Variants in POFUT2 observed in about 807,000 individuals in gnomAD.
POFUT2 encodes the protein protein O-fucosyltransferase 2, also known as GDP-fucose protein O-fucosyltransferase 2.
A neutral mutation model predicts 55.0 loss-of-function variants in POFUT2; 30 were observed. That is an observed-to-expected ratio of 0.55 (90% CI 0.41 to 0.74). POFUT2 has a LOEUF of 0.74. POFUT2 is among the 30% of genes least tolerant of loss of function. The pLI, the probability that POFUT2 is intolerant of heterozygous loss-of-function variation, is 0.00. For synonymous variants in POFUT2, 267 were observed against 231.1 expected, an observed-to-expected ratio of 1.16 and a Z score of -1.41; for missense variants, 524 against 562.6, an observed-to-expected ratio of 0.93 and a Z score of 0.69.
At chr21:45,278,222 A>G in intron 4 of POFUT2, 53 bp from the exon 5 acceptor site, 2 of 1,448,422 alleles carry the variant, frequency 1.4e-6, no homozygotes, top group Non-Finnish European at 1.9e-6. Context: ...GGATGATGAC[A>G]TTCACACTCT....
chr21:45,281,820 A>T lies in POFUT2; in HGVS notation c.638+529T>A, dbSNP rs2030677487. ...TCAACAATTCCCTCCAGAGTTTACG[A>T]CATCATCAGGTACTGACTTGTCTGC... On this transcript the variant is annotated intron_variant, in intron 4 of 8. Transcript: ENST00000349485. The surrounding 1 kb of genome is among the most constrained non-coding windows in gnomAD (Gnocchi z 5.0). Among the ~76,000 whole-genome samples, 1 of 151,994 alleles carries T rather than the reference A, an allele frequency of 6.6e-6. No homozygotes were observed. The highest frequency in any genetic ancestry group is 2.4e-5 in the African/African-American group (1 of 41,382).
intron 7 of POFUT2, among the ~76,000 whole-genome samples, chr21:45,269,452 C>T (rs997056233): frequency 1.3e-5 from 2 of 152,152 alleles, no homozygotes; most frequent in East Asian, 3.9e-4. Context: ...AAGAAAAATT[C>T]TTCTGCCTTG....
Position 45,267,092 on chromosome 21 carries a change from G to T in POFUT2, c.1136+498C>A. ...CCCGGCCTCGGGGACGCTCACGGCA[G>T]CCCCACAAGAACGATCACACGAGGG... is the stretch of plus-strand genomic sequence containing the variant. On this transcript the variant is annotated intron_variant, in intron 8 of 8. Coordinates refer to ENST00000349485, the MANE Select transcript of POFUT2 (RefSeq NM_133635.6). The surrounding 1 kb of genome is among the most constrained non-coding windows in gnomAD (Gnocchi z 4.4). 1 of 1,134,942 alleles carries T rather than the reference G, an allele frequency of 8.8e-7. No homozygotes were observed. Among genetic ancestry groups the T allele is most frequent in the East Asian group, 6.5e-5 (1 of 15,340 alleles). 70.3% of individuals were successfully genotyped at this position (1,134,942 alleles called of 1,614,324 possible).
Position 45,285,142 on chromosome 21 carries a change from T to G in POFUT2, c.382+536A>C. 1 of 161,500 alleles carries G rather than the reference T, an allele frequency of 6.2e-6. No homozygotes were observed. Among genetic ancestry groups the G allele is most frequent in the South Asian group, 1.7e-4 (1 of 5,980 alleles). 10.0% of individuals were successfully genotyped at this position (161,500 alleles called of 1,614,324 possible). On this transcript the variant is annotated intron_variant, in intron 2 of 8. Coordinates refer to ENST00000349485, the MANE Select transcript of POFUT2 (RefSeq NM_133635.6). The surrounding 1 kb of genome is among the most constrained non-coding windows in gnomAD (Gnocchi z 4.9). Reference sequence around the variant, plus strand: ...CTCAAGTGCAGCAGCAAAGCATCACTTACCTTTATCTCTTCCAAACAACGC... The same window carrying G: ...CTCAAGTGCAGCAGCAAAGCATCACGTACCTTTATCTCTTCCAAACAACGC...
chr21:45,265,858 C>T lies in POFUT2; in HGVS notation c.1137-223G>A. 7.3e-7 allele frequency: 1 copy of T among 1,376,302 alleles called. No homozygotes were observed. Among genetic ancestry groups the T allele is most frequent in the Admixed American group, 3.1e-5 (1 of 32,532 alleles). The allele number at this position is 1,376,302 out of a possible 1,614,324, so 85.3% of individuals were successfully genotyped here. A position where few individuals can be genotyped will look rare whatever the true frequency, so the allele number is the denominator to read the frequency against. ...CCCTGAGGGGCTCTGCCTGGTGCTG[C>T]AGCCCCATCCACACCCCACAGTCAG... On this transcript the variant is annotated intron_variant, in intron 8 of 8. Transcript: ENST00000349485. This position sits in a 1 kb window ranked among gnomAD's most constrained non-coding sequence, Gnocchi z 4.6.
At chr21:45,269,198 G>A (rs1280163090) in intron 7 of POFUT2, among the ~76,000 whole-genome samples, 1,327 of 149,482 alleles carry the variant, frequency 8.9e-3, no homozygotes, top group African/African-American at 0.031. Context: ...CAGCCGCCCC[G>A]TCCGGGAGGT....
chr21:45,287,658 C>CG, intron 1 of POFUT2, 83 bp downstream of exon 1: 5 of 1,092,606 alleles, frequency 4.6e-6, no homozygotes, highest in Non-Finnish European at 5.9e-6. Context: ...TCCCTGGCCC[C>CG]TGACCCCGCC....
Position 45,285,463 on chromosome 21 carries a change from G to T in POFUT2, c.382+215C>A. The T allele has an allele frequency of 1.6e-6, 1 of 634,096 alleles. No individual in the cohort carries two copies. The highest frequency in any genetic ancestry group is 1.6e-5 in the South Asian group (1 of 63,528). The allele number at this position is 634,096 out of a possible 1,614,324, so 39.3% of individuals were successfully genotyped here. ...GCTCATCCACTTCAGGTCCATTTCC[G>T]AGAAACATTTTGGGAAGCTCACTGC... is the stretch of plus-strand genomic sequence containing the variant. On this transcript the variant is annotated intron_variant, in intron 2 of 8. Coordinates refer to ENST00000349485, the MANE Select transcript of POFUT2 (RefSeq NM_133635.6). This position sits in a 1 kb window ranked among gnomAD's most constrained non-coding sequence, Gnocchi z 4.9.
In POFUT2 at chr21:45,284,537, G is replaced by A. The variant is rs963913781; in HGVS notation, c.383-1010C>T. ...CCCCAGGCTGGTGGATGGCAGGTAA[G>A]CGTGAGACCAGCATATGTGCCTCAG... On this transcript the variant is annotated intron_variant, in intron 2 of 8. Coordinates refer to ENST00000349485, the MANE Select transcript of POFUT2 (RefSeq NM_133635.6). The surrounding 1 kb of genome is among the most constrained non-coding windows in gnomAD (Gnocchi z 5.8). 6.6e-6 allele frequency among the ~76,000 whole-genome samples: 1 copy of A among 152,192 alleles called. No individual in the cohort carries two copies. Among genetic ancestry groups the A allele is most frequent in the Non-Finnish European group, 1.5e-5 (1 of 68,038 alleles).
rs1024972247 is a variant in POFUT2 at position 45,277,988 on chromosome 21, T to C, written c.705+115A>G. On this transcript the variant is annotated intron_variant, in intron 5 of 8. Coordinates refer to ENST00000349485, the MANE Select transcript of POFUT2 (RefSeq NM_133635.6). This position sits in a 1 kb window ranked among gnomAD's most constrained non-coding sequence, Gnocchi z 6.9. ...AGTTGCCCAAATCCATGGCTTAAAA[T>C]GATGGTTTTAATCAGCAAGGTTCAA... 1.1e-6 allele frequency: 1 copy of C among 910,828 alleles called. No individual in the cohort carries two copies. The highest frequency in any genetic ancestry group is 2.4e-5 in the East Asian group (1 of 41,540). The allele number at this position is 910,828 out of a possible 1,614,324, so 56.4% of individuals were successfully genotyped here. A position where few individuals can be genotyped will look rare whatever the true frequency, so the allele number is the denominator to read the frequency against.
intron 6 of POFUT2, among the ~76,000 whole-genome samples, chr21:45,273,724 T>A (rs576074072): frequency 1.3e-5 from 2 of 152,346 alleles, no homozygotes; most frequent in Non-Finnish European, 2.9e-5. Context: ...CATATGATCA[T>A]TTCAATAGAT....
At position 45,269,985 on chromosome 21, in the gene POFUT2, A is replaced by G; in HGVS notation, c.866T>C (p.Leu289Pro). 2 of 1,574,938 alleles carry G rather than the reference A, an allele frequency of 1.3e-6. No individual in the cohort carries two copies. Among genetic ancestry groups the G allele is most frequent in the Non-Finnish European group, 1.7e-6 (2 of 1,166,272 alleles). Residue 289 changes from leucine to proline, a missense_variant, in exon 7 of 9, where the codon CTG becomes CCG. By Grantham distance (98) the Leu-to-Pro change is moderately conservative. Coordinates refer to ENST00000349485, the MANE Select transcript of POFUT2 (RefSeq NM_133635.6). ...KLGSALGGPY[L>P]GVHLRRKDFI... ...ATCTTTTCTTCTCAGGTGGACTCCCAGGTAGGGGCCCCCTAGCGCGGAGCC... is the reference window on the plus strand; with the variant it reads ...ATCTTTTCTTCTCAGGTGGACTCCCGGGTAGGGGCCCCCTAGCGCGGAGCC...
At chr21:45,283,920 CT>C (rs2146678730) in intron 2 of POFUT2, among the ~76,000 whole-genome samples, 1 of 152,334 alleles carries the variant, frequency 6.6e-6, no homozygotes, top group South Asian at 2.1e-4. Context: ...CCCTACCCCC[CT>C]GGTTTCCCAC....
rs911723378 is a variant in POFUT2 at position 45,269,845 on chromosome 21, T to C, written c.1006A>G (p.Arg336Gly). The change falls in exon 7 of 9, where the codon AGA becomes GGA. Residue 336 changes from arginine (R) to glycine (G), a missense_variant. By Grantham distance (125) the Arg-to-Gly change is moderately radical (BLOSUM62 -2). This residue lies in a region of POFUT2 where 250 missense variants were observed against 318.2 expected (regional missense o/e 0.79). Coordinates refer to ENST00000349485, the MANE Select transcript of POFUT2 (RefSeq NM_133635.6). Reference sequence around the variant, plus strand: ...AAGCATTGAAGCTCCATACCCTTTCTGACGGCATCTGTGGCCACAAACACC... The same window carrying C: ...AAGCATTGAAGCTCCATACCCTTTCCGACGGCATCTGTGGCCACAAACACC... ...DKVFVATDAV[R>G]KEYEELKKLL... 6.2e-7 allele frequency: 1 copy of C among 1,602,258 alleles called. No individual in the cohort carries two copies. Among genetic ancestry groups the C allele is most frequent in the Admixed American group, 1.8e-5 (1 of 56,116 alleles).
At chr21:45,266,754 C>T (rs1232940202) in intron 8 of POFUT2, 10 of 996,730 alleles carry the variant, frequency 1.0e-5, no homozygotes, top group Admixed American at 5.4e-5. Context: ...GAAGAGGCAC[C>T]GGCTCAGGGC....
In POFUT2 at chr21:45,281,978, G is replaced by GT. The variant is rs138072725; in HGVS notation, c.638+370dup. Among the ~76,000 whole-genome samples, 249 of 152,236 alleles carry GT rather than the reference G, an allele frequency of 1.6e-3. 2 individuals are homozygous for GT. Among genetic ancestry groups the GT allele is most frequent in the African/African-American group, 5.6e-3 (234 of 41,534 alleles). On this transcript the variant is annotated intron_variant, in intron 4 of 8. Transcript: ENST00000349485. This position sits in a 1 kb window ranked among gnomAD's most constrained non-coding sequence, Gnocchi z 5.0. The stretch of plus-strand genomic sequence containing the variant: ...AGGCAGAAAACAGATCAAACAGTGG[G>GT]TGTTGGGTGTGGGGAGGGGGGAGGT...
rs1469478075 is a variant in POFUT2 at position 45,277,136 on chromosome 21, G to A, written c.712C>T (p.Arg238Cys). ...AGGTGCCTGGCAAACACCATGCTGC[G>A]ACGGGTCTGTGGAAACGGCGACGGC... ...YGGKEYWDTR[R>C]SMVFARHLRE... is the part of the protein sequence containing the mutation. The change falls in exon 6 of 9, where the codon CGC (arginine) becomes TGC (cysteine). Residue 238 changes from arginine to cysteine, a missense_variant. Around this residue, in one of 2 missense-constraint regions of POFUT2, gnomAD observed 250 missense variants for 318.2 expected, o/e 0.79. Transcript: ENST00000349485. The surrounding 1 kb of genome is among the most constrained non-coding windows in gnomAD (Gnocchi z 6.9). The A allele has an allele frequency of 4.3e-6, 7 of 1,613,316 alleles. No homozygotes were observed. Among genetic ancestry groups the A allele is most frequent in the East Asian group, 2.2e-5 (1 of 44,870 alleles).
Position 45,285,436 on chromosome 21 carries a change from A to G in POFUT2, c.382+242T>C, listed in dbSNP as rs2031281764. The G allele has an allele frequency of 3.7e-6, 2 of 544,700 alleles. No individual in the cohort carries two copies. Among genetic ancestry groups the G allele is most frequent in the South Asian group, 3.5e-5 (2 of 57,294 alleles). 33.7% of individuals were successfully genotyped at this position (544,700 alleles called of 1,614,324 possible). A position where few individuals can be genotyped will look rare whatever the true frequency, so the allele number is the denominator to read the frequency against. On this transcript the variant is annotated intron_variant, in intron 2 of 8. Coordinates refer to ENST00000349485, the MANE Select transcript of POFUT2 (RefSeq NM_133635.6). The surrounding 1 kb of genome is among the most constrained non-coding windows in gnomAD (Gnocchi z 4.9). ...GGGCGGCTCTAACTGAGGGGGCACA[A>G]AGCTCATCCACTTCAGGTCCATTTC...
intron 6 of POFUT2, among the ~76,000 whole-genome samples, chr21:45,275,895 A>G (rs1313604456): frequency 1.3e-5 from 2 of 152,034 alleles, no homozygotes; most frequent in Admixed American, 1.3e-4. Flanking sequence ...AAAAAAAAAA[A>G]ATGATAAAAT....
Sources: gnomAD v4.1 joint callset for allele counts (sites outside exome capture counted in the v4.1 genomes callset) on GRCh38, gnomAD v4.1.1 for gene constraint, gnomAD v4.1.1 regional missense constraint, Gnocchi (gnomAD v3.1) non-coding constraint, MANE v1.5 for transcripts, NCBI Gene and HGNC (gene_info 2026-07-23, HGNC 2026-07-21) for gene names.